Variants in CSMD1 observed in about 807,000 individuals in gnomAD.
CSMD1 encodes CUB and sushi domain-containing protein 1.
In CSMD1, 213 loss-of-function variants were observed where a neutral mutation model predicts 417.5. The ratio of observed to expected loss-of-function variants is 0.51; its 90% CI spans 0.46 to 0.57. The LOEUF is 0.57. Among genes scored for constraint, CSMD1 ranks in the 20% least tolerant of loss-of-function variants. CSMD1 has a pLI of 0.00. For synonymous variants in CSMD1, 2,862 were observed against 1,736.8 expected (o/e 1.65, Z -16.11); for missense variants, 6,923 against 4,529.7 (o/e 1.53, Z -15.17).
intron 3 of CSMD1, 138 bp from the exon 4 acceptor site, chr8:4,032,237 A>C (rs147993363): frequency 3.2e-6 from 2 of 619,126 alleles, no homozygotes; most frequent in African/African-American, 3.7e-5. Context: ...AATTGTTGCT[A>C]AAAAATAAAC....
chr8:4,322,566 T>C (rs1198177088), intron 3 of CSMD1, among the ~76,000 whole-genome samples: 1 of 152,092 alleles, frequency 6.6e-6, no homozygotes, highest in Non-Finnish European at 1.5e-5. Flanking sequence ...GTAAGTAAGA[T>C]TTTGATGAAG....
At chr8:4,230,907 A>G (rs531563075) in intron 3 of CSMD1, among the ~76,000 whole-genome samples, 1 of 152,232 alleles carries the variant, frequency 6.6e-6, no homozygotes, top group East Asian at 1.9e-4. Context: ...TCAATATTAT[A>G]TGCTGTGATT....
At chr8:4,255,361 C>T (rs376272522) in intron 3 of CSMD1, among the ~76,000 whole-genome samples, 3 of 152,070 alleles carry the variant, frequency 2.0e-5, no homozygotes, top group Non-Finnish European at 4.4e-5. Flanking sequence ...GAGCCCAGAG[C>T]CCAGAGAAAG....
At chr8:4,710,311 T>G (rs937599103) in intron 1 of CSMD1, among the ~76,000 whole-genome samples, 1 of 151,162 alleles carries the variant, frequency 6.6e-6, no homozygotes, top group Non-Finnish European at 1.5e-5. Context: ...TGTATACATT[T>G]AAACGCATAT....
chr8:3,538,678 G>C (rs1485832556), intron 10 of CSMD1, among the ~76,000 whole-genome samples: 3 of 152,216 alleles, frequency 2.0e-5, no homozygotes, highest in Admixed American at 6.5e-5. Context: ...TTCTTCCTTA[G>C]CAACGTGGCA....
At chr8:3,525,224 T>A (rs1398483150) in intron 10 of CSMD1, among the ~76,000 whole-genome samples, 1 of 152,108 alleles carries the variant, frequency 6.6e-6, no homozygotes, top group Non-Finnish European at 1.5e-5. Context: ...TTGACCTTCC[T>A]TAGGGGAGAT....
At chr8:3,665,116 G>A (rs983548020) in intron 7 of CSMD1, among the ~76,000 whole-genome samples, 1 of 152,086 alleles carries the variant, frequency 6.6e-6, no homozygotes, top group Non-Finnish European at 1.5e-5. Flanking sequence ...TAATAAGAAA[G>A]TTTCAGGTGA....
intron 1 of CSMD1, among the ~76,000 whole-genome samples, chr8:4,897,388 A>C (rs1401302504): frequency 2.0e-5 from 3 of 152,108 alleles, no homozygotes; most frequent in African/African-American, 7.3e-5. Flanking sequence ...CAATCCATTC[A>C]ACAGGAAAAA....
At chr8:3,482,463 G>T (rs909242030) in intron 11 of CSMD1, among the ~76,000 whole-genome samples, 15 of 152,268 alleles carry the variant, frequency 9.9e-5, no homozygotes, top group African/African-American at 3.6e-4. Context: ...TGACCCACCA[G>T]AAATATGTAA....
intron 7 of CSMD1, among the ~76,000 whole-genome samples, chr8:3,695,611 C>A (rs542371137): frequency 2.0e-5 from 3 of 152,118 alleles, no homozygotes; most frequent in African/African-American, 7.2e-5. Flanking sequence ...AAAATGTTCA[C>A]GTGTTTCACA....
At chr8:4,567,787 T>A (rs368846821) in intron 2 of CSMD1, among the ~76,000 whole-genome samples, 2 of 152,102 alleles carry the variant, frequency 1.3e-5, no homozygotes, top group South Asian at 4.1e-4. Context: ...AATTATCGTA[T>A]ACCAGAAAGG....
intron 25 of CSMD1, among the ~76,000 whole-genome samples, chr8:3,292,818 C>G (rs1024557872): frequency 1.3e-5 from 2 of 151,898 alleles, no homozygotes; most frequent in African/African-American, 2.4e-5. Context: ...AGCATTTAGC[C>G]CATTTACATT....
intron 3 of CSMD1, among the ~76,000 whole-genome samples, chr8:4,176,236 C>T (rs749394600): frequency 7.9e-5 from 12 of 151,964 alleles, no homozygotes; most frequent in Non-Finnish European, 1.6e-4. Context: ...AGCTTATGTA[C>T]GTTCTTATAT....
chr8:4,933,961 C>T (rs1206239660), intron 1 of CSMD1, among the ~76,000 whole-genome samples: 2 of 151,942 alleles, frequency 1.3e-5, no homozygotes, highest in African/African-American at 2.4e-5. Flanking sequence ...TCTTTGCCCA[C>T]ACAGTCACTC....
chr8:3,479,418 T>A (rs1310586827), intron 11 of CSMD1, among the ~76,000 whole-genome samples: 1 of 152,116 alleles, frequency 6.6e-6, no homozygotes, highest in Non-Finnish European at 1.5e-5. Context: ...GTGGCTGGGA[T>A]TACAGGCATG....
At chr8:4,453,689 G>C (rs934510479) in intron 2 of CSMD1, among the ~76,000 whole-genome samples, 10 of 151,950 alleles carry the variant, frequency 6.6e-5, no homozygotes, top group African/African-American at 9.7e-5. Context: ...TACAGACCAT[G>C]CCTGCTTGGG....
At chr8:4,934,337 A>G (rs1429263463) in intron 1 of CSMD1, among the ~76,000 whole-genome samples, 1 of 152,230 alleles carries the variant, frequency 6.6e-6, no homozygotes, top group African/African-American at 2.4e-5. Flanking sequence ...AGCCCTATGT[A>G]TTAAATTCAA....
At chr8:3,718,495 T>A (rs80104569) in intron 6 of CSMD1, among the ~76,000 whole-genome samples, 1,600 of 152,322 alleles carry the variant, frequency 0.011, 35 homozygotes, top group African/African-American at 0.037. Context: ...GGTACTTACT[T>A]ACAATGTGAA....
chr8:3,713,768 C>T (rs1051240035), intron 6 of CSMD1, among the ~76,000 whole-genome samples: 2 of 152,182 alleles, frequency 1.3e-5, no homozygotes, highest in African/African-American at 4.8e-5. Flanking sequence ...CCTCACAAAT[C>T]ACAGAGGAAA....
Sources: allele counts gnomAD v4.1 joint callset (sites outside exome capture counted in the v4.1 genomes callset), GRCh38; gene constraint gnomAD v4.1.1; transcripts MANE v1.5; gene names NCBI Gene and HGNC (gene_info 2026-07-23, HGNC 2026-07-21).